The following CACNA1A variants were observed in gnomAD, a reference collection of about 807,000 sequenced individuals.
The protein encoded by CACNA1A is voltage-dependent P/Q-type calcium channel subunit alpha-1A.
Under a neutral mutation model 262.4 loss-of-function variants are expected in CACNA1A, and 57 were observed. The ratio of observed to expected loss-of-function variants is 0.22; its 90% CI spans 0.18 to 0.27. The LOEUF is 0.27. Ranked by LOEUF, CACNA1A falls within the 10% of genes least tolerant of loss-of-function variation. The pLI is 1.00. For synonymous variants in CACNA1A, 1,431 were observed against 1,419.3 expected (o/e 1.01, Z -0.18); for missense variants, 2,526 against 3,562.8 (o/e 0.71, Z 7.41).
intron 22 of CACNA1A, among the ~76,000 whole-genome samples, chr19:13,278,260 C>A (rs539537594): frequency 6.6e-6 from 1 of 152,220 alleles, no homozygotes; most frequent in African/African-American, 2.4e-5. Flanking sequence ...CTCCCCGAGG[C>A]CCTCAAGCCC....
At position 13,207,412 on chromosome 19, in the gene CACNA1A, G is replaced by T; in HGVS notation, c.7422C>A (p.Asn2474Lys). 2 of 1,532,454 alleles carry T rather than the reference G, an allele frequency of 1.3e-6. No homozygotes were observed. The highest frequency in any genetic ancestry group is 5.0e-5 in the East Asian group (2 of 40,282). 94.9% of individuals were successfully genotyped at this position (1,532,454 alleles called of 1,614,324 possible). Residue 2474 changes from asparagine (N) to lysine (K), a missense_variant, in exon 47 of 47, where the codon AAC becomes AAA. Transcript: ENST00000360228. This position sits in a 1 kb window ranked among gnomAD's most constrained non-coding sequence, Gnocchi z 5.7. ...CCAGTCCGTGCGCCGGGTAGTAGCCGTTGGGGAGTCGCCGGCCGTGCCGAG... is the reference window on the plus strand; with the variant it reads ...CCAGTCCGTGCGCCGGGTAGTAGCCTTTGGGGAGTCGCCGGCCGTGCCGAG... ...SPSRHGRRLP[N>K]GYYPAHGLAR...
intron 25 of CACNA1A, 134 bp from the exon 26 acceptor site, chr19:13,261,744 G>A (rs911118722): frequency 3.7e-6 from 3 of 807,542 alleles, no homozygotes; most frequent in Non-Finnish European, 3.9e-6. Context: ...CAAGTCACTA[G>A]GGTAAGGTCC....
chr19:13,296,308 T>G (rs2057665976), intron 19 of CACNA1A, among the ~76,000 whole-genome samples: 1 of 152,150 alleles, frequency 6.6e-6, no homozygotes, highest in Non-Finnish European at 1.5e-5. Flanking sequence ...CAGGATCACT[T>G]AAACCCATCA....
intron 10 of CACNA1A, among the ~76,000 whole-genome samples, chr19:13,326,742 C>T (rs1353201065): frequency 6.7e-6 from 1 of 149,780 alleles, no homozygotes; most frequent in East Asian, 2.0e-4. Context: ...TGAGCTATGC[C>T]TGCACCACTG....
At position 13,392,232 on chromosome 19, in the gene CACNA1A, AAAAAG is replaced by A. The variant is rs1287305979; in HGVS notation, c.540-20458_540-20454del. Among the ~76,000 whole-genome samples, 12 of 152,158 alleles carry A rather than the reference AAAAAG, an allele frequency of 7.9e-5. No individual in the cohort carries two copies. In the South Asian group the frequency reaches 1.9e-3, roughly 24 times the overall value. On this transcript the variant is annotated intron_variant, in intron 3 of 46. Coordinates refer to ENST00000360228, the MANE Select transcript of CACNA1A (RefSeq NM_001127222.2). ...GTTCAAAAAAAAAGAAAAGAAAAGA[AAAAAG>A]AAAGAAAGAGAAGAATGGGAAACTT...
Position 13,234,908 on chromosome 19 carries a change from G to A in CACNA1A, c.5249+13C>T, listed in dbSNP as rs777867311. ...CACGGAAACAGAATTATCAGAGCAG[G>A]TCCCCTTCTCACCGGAAGAGAAGCA... On this transcript the variant is annotated intron_variant, in intron 34 of 46. Coordinates refer to ENST00000360228, the MANE Select transcript of CACNA1A (RefSeq NM_001127222.2). 8.9e-6 allele frequency: 14 copies of A among 1,565,432 alleles called. No individual in the cohort carries two copies. The highest frequency in any genetic ancestry group is 1.2e-5 in the Non-Finnish European group (14 of 1,135,682).
chr19:13,233,445 A>G (rs1310754881), intron 34 of CACNA1A, among the ~76,000 whole-genome samples: 2 of 152,238 alleles, frequency 1.3e-5, no homozygotes, highest in African/African-American at 2.4e-5. Flanking sequence ...TTATGCAACT[A>G]TCACCACTAT....
In CACNA1A at chr19:13,212,106, G is replaced by A; in HGVS notation, c.6300C>T (p.Asn2100=). 6.2e-7 allele frequency: 1 copy of A among 1,609,020 alleles called. No homozygotes were observed. The highest frequency in any genetic ancestry group is 8.5e-7 in the Non-Finnish European group (1 of 1,176,306). Residue 2100 remains asparagine (N), a synonymous_variant, in exon 43 of 47, where the codon AAC becomes AAT. Coordinates refer to ENST00000360228, the MANE Select transcript of CACNA1A (RefSeq NM_001127222.2). This position sits in a 1 kb window ranked among gnomAD's most constrained non-coding sequence, Gnocchi z 5.6. ...AASMPRLPAE[N]QRRRGRPRGN... is the part of the protein sequence containing the mutation. Reference sequence around the variant, plus strand: ...GGGCAGTGGTGAAAGCCCTCACCTGGTTCTCTGCAGGGAGGCGGGGCATGG... The same window carrying A: ...GGGCAGTGGTGAAAGCCCTCACCTGATTCTCTGCAGGGAGGCGGGGCATGG...
rs375515585 is a variant in CACNA1A, at chr19:13,221,225, TC to T, written c.5731+3441del. Among the ~76,000 whole-genome samples the T allele has an allele frequency of 2.2e-3, 92 of 40,896 alleles. 2 individuals carry two copies. In the East Asian group the frequency reaches 0.025, roughly 11 times the overall value. The allele number at this position is 40,896 out of a possible 152,430, so 26.8% of individuals were successfully genotyped here. A position where few individuals can be genotyped will look rare whatever the true frequency, so the allele number is the denominator to read the frequency against. On this transcript the variant is annotated intron_variant, in intron 38 of 46. Coordinates refer to ENST00000360228, the MANE Select transcript of CACNA1A (RefSeq NM_001127222.2). ...GGTCCCATTTGTTTTTTCTTTTCTT[TC>T]TTTCTTTCTTTTTTTTTTTTTTTTT...
In CACNA1A at chr19:13,208,934, C is replaced by G; in HGVS notation, c.6602G>C (p.Arg2201Pro). Residue 2201 changes from arginine (R) to proline (P), a missense_variant, in exon 46 of 47, where the codon CGG becomes CCG. Physicochemically the swap from Arg to Pro is moderately radical, Grantham distance 103. This residue lies in a region of CACNA1A where 929 missense variants were observed against 868.1 expected (regional missense o/e 1.07). Transcript: ENST00000360228. The stretch of plus-strand genomic sequence containing the variant: ...CTGTCGATGCTTCCGATCCTTGGGC[C>G]GGCCCCGCTCCTGGTCCCGCTCCTT... Reference protein sequence around the residue: ...PSKERDQERGRPKDRKHRQHH... With the variant: ...PSKERDQERGPPKDRKHRQHH... 1 of 1,537,434 alleles carries G rather than the reference C, an allele frequency of 6.5e-7. No homozygotes were observed. The highest frequency in any genetic ancestry group is 8.7e-7 in the Non-Finnish European group (1 of 1,146,878).
intron 1 of CACNA1A, among the ~76,000 whole-genome samples, chr19:13,504,345 C>T (rs1982758075): frequency 6.6e-6 from 1 of 152,138 alleles, no homozygotes; most frequent in African/African-American, 2.4e-5. Flanking sequence ...GAGATGGCAT[C>T]GTAGTTAGAG....
At chr19:13,474,690 AC>A (rs1978326338) in intron 1 of CACNA1A, among the ~76,000 whole-genome samples, 1 of 151,982 alleles carries the variant, frequency 6.6e-6, no homozygotes, top group South Asian at 2.1e-4. Flanking sequence ...GGTGGCAGAC[AC>A]CTGTAGTCCC....
intron 3 of CACNA1A, among the ~76,000 whole-genome samples, chr19:13,419,248 G>C (rs1462590404): frequency 6.6e-6 from 1 of 152,218 alleles, no homozygotes. Flanking sequence ...CTGCTGTGCA[G>C]GTTTGCAGCC....
At chr19:13,217,104 C>G (rs1274082049) in intron 38 of CACNA1A, among the ~76,000 whole-genome samples, 8 of 152,118 alleles carry the variant, frequency 5.3e-5, no homozygotes, top group Non-Finnish European at 1.2e-4. Flanking sequence ...CCACTGCACT[C>G]CAGCCTGGGC....
chr19:13,490,618 GA>G (rs1980650434), intron 1 of CACNA1A, among the ~76,000 whole-genome samples: 1 of 131,690 alleles, frequency 7.6e-6, no homozygotes, highest in African/African-American at 2.8e-5. Flanking sequence ...CAAAAGAAAA[GA>G]AAGGAAAAGA....
chr19:13,288,244 T>TC (rs1231450746), intron 19 of CACNA1A, among the ~76,000 whole-genome samples: 2 of 147,846 alleles, frequency 1.4e-5, no homozygotes, highest in Admixed American at 1.4e-4. Flanking sequence ...TCTTTTTTCT[T>TC]TTTTTTTTTA....
intron 3 of CACNA1A, among the ~76,000 whole-genome samples, chr19:13,383,191 G>A (rs2059551753): frequency 6.6e-6 from 1 of 152,346 alleles, no homozygotes; most frequent in South Asian, 2.1e-4. Context: ...CAAGGACAAA[G>A]CAATAGTGGG....
At position 13,262,884 on chromosome 19, in the gene CACNA1A, A is replaced by G; in HGVS notation, c.3990-51T>C. The stretch of plus-strand genomic sequence containing the variant: ...GAAGGGAAGAGAGGAAGCAGAGGTC[A>G]GGTTGGGTAGGGGGCAGCCCACAGC... On this transcript the variant is annotated intron_variant, in intron 24 of 46. Transcript: ENST00000360228. 3 of 1,298,414 alleles carry G rather than the reference A, an allele frequency of 2.3e-6. No homozygotes were observed. In the South Asian group the frequency reaches 3.7e-5, roughly 16 times the overall value. 80.4% of individuals were successfully genotyped at this position (1,298,414 alleles called of 1,614,324 possible). A position where few individuals can be genotyped will look rare whatever the true frequency, so the allele number is the denominator to read the frequency against.
At chr19:13,449,844 A>G (rs907935220) in intron 3 of CACNA1A, among the ~76,000 whole-genome samples, 1 of 152,304 alleles carries the variant, frequency 6.6e-6, no homozygotes, top group East Asian at 1.9e-4. Context: ...TAGAAAGGTT[A>G]GAAAGGTTTT....
Sources: allele counts gnomAD v4.1 joint callset (sites outside exome capture counted in the v4.1 genomes callset), GRCh38; gene constraint gnomAD v4.1.1; regional missense constraint gnomAD v4.1.1; non-coding constraint Gnocchi (gnomAD v3.1); transcripts MANE v1.5; gene names NCBI Gene and HGNC (gene_info 2026-07-23, HGNC 2026-07-21).